SLC2A13: variants seen among roughly 807,000 people sequenced by gnomAD.
SLC2A13 encodes the protein solute carrier family 2 member 13.
Under a neutral mutation model 64.4 loss-of-function variants are expected in SLC2A13, and 32 were observed. The observed-to-expected ratio is 0.50, with a 90% CI of 0.37 to 0.67. The LOEUF (loss-of-function observed/expected upper bound fraction) is 0.67. Ranked by LOEUF, SLC2A13 falls within the 30% of genes least tolerant of loss-of-function variation. The probability of loss-of-function intolerance (pLI) is 0.00; values close to 1 mark genes in which losing one functional copy is unlikely to be tolerated. For missense variants in SLC2A13, 743 were observed against 829.2 expected (o/e 0.90, Z 1.28); for synonymous variants, 338 against 327.1 (o/e 1.03, Z -0.36).
chr12:39,840,850 T>G (rs905589013), intron 6 of SLC2A13, among the ~76,000 whole-genome samples: 8 of 152,138 alleles, frequency 5.3e-5, no homozygotes, highest in South Asian at 2.1e-4. Flanking sequence ...GATACATAAG[T>G]GCTCAATAAA....
intron 7 of SLC2A13, among the ~76,000 whole-genome samples, chr12:39,782,500 C>T (rs563939844): frequency 2.0e-4 from 30 of 152,158 alleles, no homozygotes; most frequent in Non-Finnish European, 3.7e-4. Flanking sequence ...TCTGAGGCCT[C>T]CCCAGCCATG....
Position 39,900,454 on chromosome 12 carries a change from A to C in SLC2A13, c.1035-28493T>G, listed in dbSNP as rs550409301. ...CTAGAAAACCCCATCGTCTCAGCCC[A>C]AAATCTCCTTAAGCTGATAAGCAAC... On this transcript the variant is annotated intron_variant, in intron 4 of 9. Transcript: ENST00000280871. 2.6e-5 allele frequency among the ~76,000 whole-genome samples: 4 copies of C among 152,154 alleles called. No individual in the cohort carries two copies. In the South Asian group the frequency reaches 6.2e-4, roughly 24 times the overall value.
At chr12:39,857,886 A>G (rs1047087185) in intron 6 of SLC2A13, among the ~76,000 whole-genome samples, 1 of 152,148 alleles carries the variant, frequency 6.6e-6, no homozygotes, top group African/African-American at 2.4e-5. Context: ...CTTTTCCTTC[A>G]TCTTTGCAAA....
intron 9 of SLC2A13, 106 bp downstream of exon 9, chr12:39,764,354 C>A: frequency 9.3e-7 from 1 of 1,071,138 alleles, no homozygotes; most frequent in Non-Finnish European, 1.3e-6. Flanking sequence ...ATACTTATAA[C>A]AGCAAAATAT....
intron 2 of SLC2A13, among the ~76,000 whole-genome samples, chr12:40,034,974 C>G (rs1341606085): frequency 6.6e-6 from 1 of 152,102 alleles, no homozygotes; most frequent in East Asian, 1.9e-4. Flanking sequence ...GAGATGGCAT[C>G]CCCCCGAGCT....
chr12:40,080,699 A>C (rs1938363599), intron 1 of SLC2A13, among the ~76,000 whole-genome samples: 1 of 152,168 alleles, frequency 6.6e-6, no homozygotes, highest in Non-Finnish European at 1.5e-5. Flanking sequence ...GCCTTGTTTA[A>C]AATGTTCAAG....
intron 7 of SLC2A13, among the ~76,000 whole-genome samples, chr12:39,823,727 G>T (rs540054495): frequency 1.3e-5 from 2 of 152,280 alleles, no homozygotes; most frequent in Non-Finnish European, 2.9e-5. Flanking sequence ...GGGACTACAG[G>T]AATGTGCCAC....
chr12:40,033,776 C>A (rs577732059), intron 2 of SLC2A13, among the ~76,000 whole-genome samples: 3 of 152,132 alleles, frequency 2.0e-5, no homozygotes, highest in Non-Finnish European at 4.4e-5. Flanking sequence ...TTAAAAAAAA[C>A]CATTAGGAGC....
At position 40,105,564 on chromosome 12, in the gene SLC2A13, T is replaced by C; in HGVS notation, c.245A>G (p.Tyr82Cys). The C allele has an allele frequency of 6.4e-7, 1 of 1,574,728 alleles. No individual in the cohort carries two copies. Among genetic ancestry groups the C allele is most frequent in the Non-Finnish European group, 8.6e-7 (1 of 1,163,244 alleles). The change falls in exon 1 of 10, where the codon TAC becomes TGC. Residue 82 changes from tyrosine (Y) to cysteine (C), a missense_variant. Transcript: ENST00000280871. The surrounding 1 kb of genome is among the most constrained non-coding windows in gnomAD (Gnocchi z 4.2). ...FQQDETPAFV[Y>C]VVAVFSALGG... The stretch of plus-strand genomic sequence containing the variant: ...CAGCGCGGAGAAGACGGCCACCACG[T>C]ACACGAAGGCGGGGGTCTCGTCCTG...
At chr12:40,008,035 A>G (rs1265502157) in intron 3 of SLC2A13, among the ~76,000 whole-genome samples, 1 of 152,226 alleles carries the variant, frequency 6.6e-6, no homozygotes, top group African/African-American at 2.4e-5. Flanking sequence ...AAAAGATTCA[A>G]CTAGTTTAAA....
intron 7 of SLC2A13, among the ~76,000 whole-genome samples, chr12:39,805,440 G>A (rs1321110768): frequency 3.3e-5 from 5 of 152,048 alleles, no homozygotes; most frequent in African/African-American, 1.2e-4. Flanking sequence ...CATCGTGAAG[G>A]AGCACAGACA....
chr12:39,911,363 T>C (rs79036242), intron 4 of SLC2A13, among the ~76,000 whole-genome samples: 1 of 152,252 alleles, frequency 6.6e-6, no homozygotes, highest in East Asian at 1.9e-4. Context: ...TATTTTGTTG[T>C]TTGGTCACTA....
intron 1 of SLC2A13, among the ~76,000 whole-genome samples, chr12:40,062,494 A>T (rs1391370900): frequency 6.6e-6 from 1 of 152,116 alleles, no homozygotes; most frequent in Non-Finnish European, 1.5e-5. Flanking sequence ...AAAAGCATAT[A>T]TATCTGAGGA....
intron 3 of SLC2A13, among the ~76,000 whole-genome samples, chr12:39,980,892 C>T (rs1177329613): frequency 1.3e-5 from 2 of 151,796 alleles, no homozygotes; most frequent in Admixed American, 6.6e-5. Flanking sequence ...CACCACACCA[C>T]ACCTATTCCA....
At chr12:39,879,883 C>T (rs985097830) in intron 4 of SLC2A13, among the ~76,000 whole-genome samples, 1 of 152,106 alleles carries the variant, frequency 6.6e-6, no homozygotes, top group Non-Finnish European at 1.5e-5. Context: ...ATATTTGTCC[C>T]CATGCAAATC....
At chr12:39,776,296 T>C (rs1007769412) in intron 7 of SLC2A13, among the ~76,000 whole-genome samples, 1 of 152,192 alleles carries the variant, frequency 6.6e-6, no homozygotes, top group African/African-American at 2.4e-5. Flanking sequence ...TTAGGAGCTG[T>C]GGGGCCCACC....
At chr12:39,896,288 A>ATT (rs749088083) in intron 4 of SLC2A13, among the ~76,000 whole-genome samples, 1 of 41,112 alleles carries the variant, frequency 2.4e-5, no homozygotes, top group South Asian at 8.5e-4. Context: ...ACATGTATGT[A>ATT]TATGTGTGTA....
chr12:39,949,867 C>T (rs1946199043), intron 4 of SLC2A13: 1 of 151,156 alleles, frequency 6.6e-6, no homozygotes, highest in Non-Finnish European at 1.5e-5. Flanking sequence ...ATACTTCCAC[C>T]AGACTGCAGA....
intron 1 of SLC2A13, among the ~76,000 whole-genome samples, chr12:40,090,757 T>G (rs56193998): frequency 0.017 from 2,530 of 152,282 alleles, 88 homozygotes; most frequent in African/African-American, 0.057. Context: ...AATCAGGTTA[T>G]AAACCTTTTT....
Sources: allele counts gnomAD v4.1 joint callset (sites outside exome capture counted in the v4.1 genomes callset), GRCh38; gene constraint gnomAD v4.1.1; non-coding constraint Gnocchi (gnomAD v3.1); transcripts MANE v1.5; gene names NCBI Gene and HGNC (gene_info 2026-07-23, HGNC 2026-07-21).